Variants in TAFA5 observed in about 807,000 individuals in gnomAD.
TAFA5 encodes the protein chemokine-like protein TAFA-5.
A neutral mutation model predicts 15.3 loss-of-function variants in TAFA5; 6 were observed. The ratio of observed to expected loss-of-function variants is 0.39; its 90% CI spans 0.21 to 0.77. The LOEUF is 0.77. Among genes scored for constraint, TAFA5 ranks in the 30% least tolerant of loss-of-function variants. The probability of loss-of-function intolerance (pLI) is 0.41; values close to 1 mark genes in which losing one functional copy is unlikely to be tolerated. For missense variants in TAFA5, 161 were observed against 193.1 expected (o/e 0.83, Z 0.98); for synonymous variants, 103 against 80.7 (o/e 1.28, Z -1.48).
At chr22:48,699,309 A>G (rs1270999683) in intron 2 of TAFA5, among the ~76,000 whole-genome samples, 3 of 152,206 alleles carry the variant, frequency 2.0e-5, no homozygotes, top group African/African-American at 7.2e-5. Flanking sequence ...AGGACTATGA[A>G]CGCACACAAA....
At chr22:48,701,848 C>T (rs1179637745) in intron 2 of TAFA5, among the ~76,000 whole-genome samples, 6 of 152,240 alleles carry the variant, frequency 3.9e-5, no homozygotes, top group Admixed American at 3.9e-4. Context: ...GCAGCGTCCT[C>T]TGCGCTCTGC....
intron 3 of TAFA5, among the ~76,000 whole-genome samples, chr22:48,723,604 A>G (rs957017338): frequency 6.6e-6 from 1 of 152,214 alleles, no homozygotes; most frequent in African/African-American, 2.4e-5. Context: ...TTACTGGGTC[A>G]GATCCCACCA....
At chr22:48,571,871 C>T (rs550041842) in intron 1 of TAFA5, among the ~76,000 whole-genome samples, 1 of 152,076 alleles carries the variant, frequency 6.6e-6, no homozygotes, top group Admixed American at 6.5e-5. Context: ...CTCTTATAAA[C>T]ATATTTGATT....
At chr22:48,692,711 T>C (rs1243776587) in intron 2 of TAFA5, among the ~76,000 whole-genome samples, 1 of 152,202 alleles carries the variant, frequency 6.6e-6, no homozygotes, top group Non-Finnish European at 1.5e-5. Context: ...CTCTCCAGCA[T>C]GTGGAGTAGT....
At chr22:48,541,005 C>T (rs1305102644) in intron 1 of TAFA5, among the ~76,000 whole-genome samples, 1 of 152,104 alleles carries the variant, frequency 6.6e-6, no homozygotes, top group Non-Finnish European at 1.5e-5. Context: ...GAGGGGCTCA[C>T]CAAAGGAAAA....
intron 1 of TAFA5, among the ~76,000 whole-genome samples, chr22:48,612,299 T>C (rs920368172): frequency 5.3e-5 from 8 of 152,214 alleles, no homozygotes; most frequent in African/African-American, 1.7e-4. Context: ...CTCACTTGCA[T>C]GTTCAAGTGT....
intron 2 of TAFA5, among the ~76,000 whole-genome samples, chr22:48,686,881 T>C (rs1158100380): frequency 7.0e-6 from 1 of 143,328 alleles, no homozygotes; most frequent in Non-Finnish European, 1.5e-5. Context: ...ATGGAGATGA[T>C]GGATGGATTG....
intron 1 of TAFA5, among the ~76,000 whole-genome samples, chr22:48,507,985 C>T (rs894078206): frequency 1.3e-5 from 2 of 152,146 alleles, no homozygotes; most frequent in Non-Finnish European, 2.9e-5. Flanking sequence ...CATCGCCCAG[C>T]CCCTAGAGCC....
intron 1 of TAFA5, among the ~76,000 whole-genome samples, chr22:48,563,373 GCTTC>G (rs1923303881): frequency 6.6e-6 from 1 of 152,242 alleles, no homozygotes; most frequent in Non-Finnish European, 1.5e-5. Context: ...GTTTCTCCCA[GCTTC>G]CGGTGGTCTG....
chr22:48,591,568 G>A (rs1439398853), intron 1 of TAFA5, among the ~76,000 whole-genome samples: 2 of 152,266 alleles, frequency 1.3e-5, no homozygotes, highest in African/African-American at 2.4e-5. Context: ...CAGGGAGTGG[G>A]CACTGACCGG....
chr22:48,563,987 G>A (rs1923325558), intron 1 of TAFA5, among the ~76,000 whole-genome samples: 1 of 152,240 alleles, frequency 6.6e-6, no homozygotes, highest in Non-Finnish European at 1.5e-5. Flanking sequence ...TACAAAGAGT[G>A]CATTGTACAG....
At chr22:48,638,562 A>ACCCCCCCCCATC (rs1926548285) in intron 1 of TAFA5, among the ~76,000 whole-genome samples, 2 of 115,908 alleles carry the variant, frequency 1.7e-5, no homozygotes, top group Non-Finnish European at 3.5e-5. Context: ...CACAGGCGGG[A>ACCCCCCCCCATC]CCCCGACACT....
chr22:48,694,624 C>T (rs996268848), intron 2 of TAFA5, among the ~76,000 whole-genome samples: 1 of 152,124 alleles, frequency 6.6e-6, no homozygotes, highest in Non-Finnish European at 1.5e-5. Flanking sequence ...AGTCACCAAG[C>T]CTGTGGGTAT....
intron 3 of TAFA5, 69 bp from the exon 4 acceptor site, chr22:48,749,770 G>A: frequency 6.5e-7 from 1 of 1,536,240 alleles, no homozygotes; most frequent in East Asian, 2.4e-5. Context: ...GGGAAGAGGA[G>A]CCTGTGTTCC....
At chr22:48,735,923 G>T (rs1431443208) in intron 3 of TAFA5, among the ~76,000 whole-genome samples, 1 of 148,964 alleles carries the variant, frequency 6.7e-6, no homozygotes, top group African/African-American at 2.5e-5. Context: ...CATCCCCCCA[G>T]GAGGAATGAG....
intron 1 of TAFA5, among the ~76,000 whole-genome samples, chr22:48,604,802 A>G (rs1401087602): frequency 6.6e-6 from 1 of 152,124 alleles, no homozygotes; most frequent in East Asian, 1.9e-4. Flanking sequence ...GGGCCTCTCT[A>G]AGGGTATGAG....
chr22:48,580,061 G>A (rs550914256), intron 1 of TAFA5, among the ~76,000 whole-genome samples: 4 of 152,340 alleles, frequency 2.6e-5, no homozygotes, highest in South Asian at 2.1e-4. Context: ...TCCAGCGGCC[G>A]CGGCACGGTG....
intron 1 of TAFA5, among the ~76,000 whole-genome samples, chr22:48,609,502 G>C (rs981016806): frequency 6.6e-6 from 1 of 152,210 alleles, no homozygotes. Flanking sequence ...GAGCCAGGAG[G>C]AGTGGGGTTG....
At chr22:48,622,237 T>C (rs922569513) in intron 1 of TAFA5, among the ~76,000 whole-genome samples, 3 of 151,988 alleles carry the variant, frequency 2.0e-5, no homozygotes, top group Admixed American at 2.0e-4. Flanking sequence ...ATCCCCAAAA[T>C]ATTTATGTAG....
Sources: allele counts gnomAD v4.1 joint callset (sites outside exome capture counted in the v4.1 genomes callset), GRCh38; gene constraint gnomAD v4.1.1; transcripts MANE v1.5; gene names NCBI Gene and HGNC (gene_info 2026-07-23, HGNC 2026-07-21).